GALR1: variants seen among roughly 807,000 people sequenced by gnomAD.
GALR1 encodes the protein galanin receptor 1.
GALR1 carries 11 observed loss-of-function variants against 17.9 expected under a neutral mutation model. The observed-to-expected ratio is 0.62, with a 90% confidence interval of 0.39 to 1.02. The LOEUF is 1.02. GALR1 is among the 50% of genes least tolerant of loss of function. The pLI is 0.01. For missense variants in GALR1, 441 were observed against 456.9 expected (o/e 0.97, Z 0.32); for synonymous variants, 206 against 205.7 (o/e 1.00, Z -0.01).
chr18:77,267,585 A>T (rs140335325), intron 2 of GALR1, among the ~76,000 whole-genome samples: 1 of 152,362 alleles, frequency 6.6e-6, no homozygotes, highest in East Asian at 1.9e-4. Flanking sequence ...CACTTGTTAG[A>T]GAACCATCTG....
At chr18:77,257,054 T>C (rs1353758381) in intron 2 of GALR1, among the ~76,000 whole-genome samples, 1 of 152,190 alleles carries the variant, frequency 6.6e-6, no homozygotes, top group Non-Finnish European at 1.5e-5. Context: ...AAATACCTTG[T>C]TTTTTCCTTA....
chr18:77,268,511 T>C, intron 2 of GALR1, 74 bp from the exon 3 acceptor site: 2 of 977,398 alleles, frequency 2.0e-6, no homozygotes, highest in South Asian at 3.1e-5. Context: ...TTGTAATCAA[T>C]GAATTTCCTT....
chr18:77,251,758 G>A (rs1205049361), intron 1 of GALR1, among the ~76,000 whole-genome samples: 2 of 152,180 alleles, frequency 1.3e-5, no homozygotes, highest in South Asian at 4.1e-4. Context: ...GTGGCGGGGG[G>A]GACTCGCGGG....
Position 77,251,082 on chromosome 18 carries a change from C to A in GALR1, c.534C>A (p.His178Gln). 1 of 1,610,766 alleles carries A rather than the reference C, an allele frequency of 6.2e-7. No individual in the cohort carries two copies. Among genetic ancestry groups the A allele is most frequent in the Admixed American group, 1.7e-5 (1 of 60,034 alleles). The change falls in exon 1 of 3, where the codon CAC (histidine) becomes CAA (glutamine). Residue 178 changes from histidine (H) to glutamine (Q), a missense_variant. Coordinates refer to ENST00000299727, the MANE Select transcript of GALR1 (RefSeq NM_001480.4). ...SPVAYHQGLF[H>Q]PRASNQTFCW... ...TGGCCTACCACCAGGGCCTCTTCCACCCGCGCGCCAGCAACCAGACCTTCT... is the reference window on the plus strand; with the variant it reads ...TGGCCTACCACCAGGGCCTCTTCCAACCGCGCGCCAGCAACCAGACCTTCT...
At chr18:77,265,061 C>T (rs1172400368) in intron 2 of GALR1, among the ~76,000 whole-genome samples, 1 of 152,148 alleles carries the variant, frequency 6.6e-6, no homozygotes, top group African/African-American at 2.4e-5. Context: ...TTAACTCATT[C>T]CAGCATTAAC....
chr18:77,258,639 G>GTGA (rs1912667640), intron 2 of GALR1, among the ~76,000 whole-genome samples: 1 of 125,338 alleles, frequency 8.0e-6, no homozygotes, highest in Non-Finnish European at 1.9e-5. Flanking sequence ...GGTGGTGATG[G>GTGA]TGGTGGTGGT....
rs1399216861 is a variant in GALR1, at chr18:77,276,015, A to G, written c.*7113A>G. On this transcript the variant is annotated 3_prime_UTR_variant, in exon 3 of 3. Coordinates refer to ENST00000299727, the MANE Select transcript of GALR1 (RefSeq NM_001480.4). Reference sequence around the variant, plus strand: ...ATAGGGCTAGCATGTATAAAGAATCAAACTTAGTCATTCCATTGAAGTGAA... The same window carrying G: ...ATAGGGCTAGCATGTATAAAGAATCGAACTTAGTCATTCCATTGAAGTGAA... 1.3e-5 allele frequency: 2 copies of G among 151,550 alleles called. No individual in the cohort carries two copies. The highest frequency in any genetic ancestry group is 1.5e-5 in the Non-Finnish European group (1 of 67,898). The allele number at this position is 151,550 out of a possible 1,614,324, so 9.4% of individuals were successfully genotyped here. A position where few individuals can be genotyped will look rare whatever the true frequency, so the allele number is the denominator to read the frequency against.
Position 77,250,408 on chromosome 18 carries a change from G to T in GALR1, c.-141G>T. The T allele has an allele frequency of 1.1e-6, 1 of 894,376 alleles. No individual in the cohort carries two copies. Among genetic ancestry groups the T allele is most frequent in the Non-Finnish European group, 1.6e-6 (1 of 642,236 alleles). The allele number at this position is 894,376 out of a possible 1,614,324, so 55.4% of individuals were successfully genotyped here. Reference sequence around the variant, plus strand: ...GGCCACCGGATCCCCGCTCCCGCTGGCTCGCGCCTCGGGGGAAGCTCAGAC... The same window carrying T: ...GGCCACCGGATCCCCGCTCCCGCTGTCTCGCGCCTCGGGGGAAGCTCAGAC... On this transcript the variant is annotated 5_prime_UTR_variant, in exon 1 of 3. Transcript: ENST00000299727.
intron 2 of GALR1, among the ~76,000 whole-genome samples, chr18:77,267,420 C>T (rs935640081): frequency 6.6e-6 from 1 of 152,210 alleles, no homozygotes; most frequent in South Asian, 2.1e-4. Flanking sequence ...TCAGTTTCCT[C>T]ATCTACAACC....
chr18:77,260,231 G>T (rs1912799823), intron 2 of GALR1, among the ~76,000 whole-genome samples: 1 of 152,162 alleles, frequency 6.6e-6, no homozygotes, highest in Non-Finnish European at 1.5e-5. Flanking sequence ...GCCGTTTTCT[G>T]GTTCATAGAT....
At chr18:77,262,435 C>G (rs1912852726) in intron 2 of GALR1, among the ~76,000 whole-genome samples, 1 of 152,168 alleles carries the variant, frequency 6.6e-6, no homozygotes. Context: ...TGCCCCGTGT[C>G]CCATCTTCTA....
rs1227109332 is a variant in GALR1 at position 77,250,418 on chromosome 18, C to T, written c.-131C>T. 1 of 992,822 alleles carries T rather than the reference C, an allele frequency of 1.0e-6. No individual in the cohort carries two copies. The highest frequency in any genetic ancestry group is 1.4e-6 in the Non-Finnish European group (1 of 731,482). 61.5% of individuals were successfully genotyped at this position (992,822 alleles called of 1,614,324 possible). Reference sequence around the variant, plus strand: ...TCCCCGCTCCCGCTGGCTCGCGCCTCGGGGGAAGCTCAGACTCCTAAACTC... The same window carrying T: ...TCCCCGCTCCCGCTGGCTCGCGCCTTGGGGGAAGCTCAGACTCCTAAACTC... On this transcript the variant is annotated 5_prime_UTR_variant, in exon 1 of 3. Coordinates refer to ENST00000299727, the MANE Select transcript of GALR1 (RefSeq NM_001480.4).
chr18:77,263,122 A>G (rs1276612760), intron 2 of GALR1, among the ~76,000 whole-genome samples: 2 of 152,266 alleles, frequency 1.3e-5, no homozygotes, highest in African/African-American at 2.4e-5. Flanking sequence ...ATTCTGTGAC[A>G]TAGAGAGATG....
chr18:77,252,332 C>T (rs1912437318), intron 1 of GALR1, among the ~76,000 whole-genome samples: 1 of 152,230 alleles, frequency 6.6e-6, no homozygotes, highest in South Asian at 2.1e-4. Context: ...CAGCTGTTAC[C>T]AGTTCCACCC....
chr18:77,256,287 TA>T (rs1912586517), intron 2 of GALR1, 64 bp downstream of exon 2: 1 of 956,368 alleles, frequency 1.0e-6, no homozygotes, highest in Non-Finnish European at 1.7e-6. Context: ...TTGTTTTTTT[TA>T]CTTGTCCTCA....
At chr18:77,259,057 A>ACGG (rs778741753) in intron 2 of GALR1, among the ~76,000 whole-genome samples, 63 of 3,884 alleles carry the variant, frequency 0.016, 8 homozygotes, top group Non-Finnish European at 0.099. Context: ...GGTGGTGATG[A>ACGG]TGGTGGTCAT....
At chr18:77,259,783 G>A (rs1169917363) in intron 2 of GALR1, among the ~76,000 whole-genome samples, 1 of 151,968 alleles carries the variant, frequency 6.6e-6, no homozygotes, top group African/African-American at 2.4e-5. Context: ...GGTAAGAAGA[G>A]GGTGTGGAAG....
chr18:77,264,555 C>G (rs1912905126), intron 2 of GALR1, among the ~76,000 whole-genome samples: 1 of 152,104 alleles, frequency 6.6e-6, no homozygotes, highest in Admixed American at 6.6e-5. Context: ...GTCTGCTTTC[C>G]TGCTCCATGA....
intron 2 of GALR1, among the ~76,000 whole-genome samples, chr18:77,265,348 G>A (rs1489615304): frequency 6.6e-6 from 1 of 152,226 alleles, no homozygotes; most frequent in Non-Finnish European, 1.5e-5. Flanking sequence ...TGATGCAAGA[G>A]GTGGGCTCCC....
Sources: gnomAD v4.1 joint callset for allele counts (sites outside exome capture counted in the v4.1 genomes callset) on GRCh38, gnomAD v4.1.1 for gene constraint, MANE v1.5 for transcripts, NCBI Gene and HGNC (gene_info 2026-07-23, HGNC 2026-07-21) for gene names.